Variants in MTUS1 observed in about 807,000 individuals in gnomAD.
MTUS1 encodes the protein microtubule associated scaffold protein 1, also known as microtubule-associated tumor suppressor 1.
A neutral mutation model predicts 120.8 loss-of-function variants in MTUS1; 109 were observed. The observed-to-expected ratio is 0.90, with a 90% confidence interval of 0.77 to 1.06. The LOEUF (loss-of-function observed/expected upper bound fraction) is 1.06. Ranked by LOEUF, MTUS1 falls within the 50% of genes least tolerant of loss-of-function variation. MTUS1 has a pLI of 0.00. For missense variants in MTUS1, 2,210 were observed against 1,486.3 expected (o/e 1.49, Z -8.01); for synonymous variants, 737 against 550.5 (o/e 1.34, Z -4.74).
chr8:17,679,839 A>G (rs767834775), intron 7 of MTUS1, among the ~76,000 whole-genome samples: 1 of 152,188 alleles, frequency 6.6e-6, no homozygotes, highest in Non-Finnish European at 1.5e-5. Context: ...TATACATTAC[A>G]CAATCAGTAA....
chr8:17,724,878 A>G (rs2046111504), intron 3 of MTUS1, among the ~76,000 whole-genome samples: 1 of 152,148 alleles, frequency 6.6e-6, no homozygotes, highest in Non-Finnish European at 1.5e-5. Context: ...TGAGTACTCT[A>G]GGTTTTCATC....
intron 6 of MTUS1, among the ~76,000 whole-genome samples, chr8:17,689,626 T>G (rs895421174): frequency 6.6e-6 from 1 of 152,160 alleles, no homozygotes; most frequent in African/African-American, 2.4e-5. Flanking sequence ...GAAGTACTTT[T>G]AAGAAGGCAT....
intron 6 of MTUS1, chr8:17,705,644 C>T (rs908430978): frequency 2.0e-5 from 3 of 152,240 alleles, no homozygotes; most frequent in Non-Finnish European, 2.9e-5. Context: ...TCTACTCTCA[C>T]CAGAAGAAAC....
chr8:17,790,649 C>G (rs556271149), intron 1 of MTUS1, among the ~76,000 whole-genome samples: 1 of 152,186 alleles, frequency 6.6e-6, no homozygotes, highest in African/African-American at 2.4e-5. Context: ...GAAAATAAAC[C>G]GTAATTCTCA....
At chr8:17,725,894 T>C (rs577944502) in intron 3 of MTUS1, among the ~76,000 whole-genome samples, 25 of 152,348 alleles carry the variant, frequency 1.6e-4, no homozygotes, top group African/African-American at 4.6e-4. Context: ...CCCCAATCTA[T>C]AGGATGGTGA....
At chr8:17,652,102 C>T (rs541030956) in intron 12 of MTUS1, among the ~76,000 whole-genome samples, 1 of 152,288 alleles carries the variant, frequency 6.6e-6, no homozygotes, top group East Asian at 1.9e-4. Context: ...AAAAGCTTTG[C>T]TTCTGCAGTC....
chr8:17,692,812 C>G (rs1337219728), intron 6 of MTUS1, among the ~76,000 whole-genome samples: 1 of 152,016 alleles, frequency 6.6e-6, no homozygotes, highest in Non-Finnish European at 1.5e-5. Context: ...CATGAGTTTA[C>G]CTATATAACA....
At chr8:17,697,332 G>A (rs1322646634) in intron 6 of MTUS1, 2 of 1,614,166 alleles carry the variant, frequency 1.2e-6, no homozygotes, top group South Asian at 2.2e-5. Context: ...TTGGCCGTCA[G>A]TCGTATGTGA....
chr8:17,753,692 C>T, intron 2 of MTUS1, 25 bp downstream of exon 2: 2 of 1,479,738 alleles, frequency 1.4e-6, no homozygotes, highest in Non-Finnish European at 1.8e-6. Context: ...CTGAAGCATG[C>T]AAAAAATATA....
chr8:17,654,933 C>T (rs973732919), intron 9 of MTUS1: 15 of 467,360 alleles, frequency 3.2e-5, no homozygotes, highest in Non-Finnish European at 5.4e-5. Flanking sequence ...CACATGTGCA[C>T]ACACAAAGAA....
At chr8:17,711,726 A>G (rs1195652335) in intron 6 of MTUS1, among the ~76,000 whole-genome samples, 1 of 152,242 alleles carries the variant, frequency 6.6e-6, no homozygotes, top group Non-Finnish European at 1.5e-5. Flanking sequence ...CTTCTGAATT[A>G]TCCTGGCTTT....
At position 17,754,679 on chromosome 8, in the gene MTUS1, T is replaced by C. The variant is rs1455868280; in HGVS notation, c.1129A>G (p.Thr377Ala). The change falls in exon 2 of 15, where the codon ACA becomes GCA. Residue 377 changes from threonine (T) to alanine (A), a missense_variant. Transcript: ENST00000693296. ...PEHKVTETED[T>A]QMVSKGKDLG... is the part of the protein sequence containing the mutation. ...TCCTTTCCTTTGGAGACCATTTGTG[T>C]GTCTTCAGTCTCAGTGACTTTATGC... is the stretch of plus-strand genomic sequence containing the variant. The C allele has an allele frequency of 5.6e-6, 9 of 1,614,116 alleles. No homozygotes were observed. Among genetic ancestry groups the C allele is most frequent in the African/African-American group, 1.3e-5 (1 of 74,940 alleles).
intron 4 of MTUS1, among the ~76,000 whole-genome samples, chr8:17,720,594 G>A (rs1268693026): frequency 6.6e-6 from 1 of 152,142 alleles, no homozygotes; most frequent in Non-Finnish European, 1.5e-5. Flanking sequence ...TGGCCAAAGT[G>A]GAAGAGGAAG....
chr8:17,658,169 C>T (rs547646119), intron 8 of MTUS1, among the ~76,000 whole-genome samples: 2 of 152,056 alleles, frequency 1.3e-5, no homozygotes, highest in Admixed American at 1.3e-4. Flanking sequence ...TCCTCAGTAG[C>T]TGGGATTACG....
intron 2 of MTUS1, among the ~76,000 whole-genome samples, chr8:17,752,354 TTAAGAG>T (rs2048264292): frequency 6.6e-6 from 1 of 152,166 alleles, no homozygotes; most frequent in Non-Finnish European, 1.5e-5. Context: ...TTGATTAGAA[TTAAGAG>T]TATGTTGTAA....
At chr8:17,787,262 A>C (rs1311171682) in intron 1 of MTUS1, among the ~76,000 whole-genome samples, 2 of 152,220 alleles carry the variant, frequency 1.3e-5, no homozygotes, top group Admixed American at 6.5e-5. Flanking sequence ...ACAGCTCTTC[A>C]AAGTCCACAG....
rs748264107 is a variant in MTUS1, at chr8:17,644,900, TAGA to T, written c.*1023_*1025del. The T allele has an allele frequency of 6.6e-6, 1 of 152,080 alleles. No individual in the cohort carries two copies. The highest frequency in any genetic ancestry group is 1.9e-4 in the East Asian group (1 of 5,154). The allele number at this position is 152,080 out of a possible 1,614,324, so 9.4% of individuals were successfully genotyped here. ...GTCCCAGAGAAAAGTAGGTAGGAGG[TAGA>T]AGGTTTGCTTTTGTGGCTCTGGATG... On this transcript the variant is annotated 3_prime_UTR_variant, in exon 15 of 15. Transcript: ENST00000693296.
At position 17,701,849 on chromosome 8, in the gene MTUS1, A is replaced by G. The variant is rs149541695; in HGVS notation, c.2623+11365T>C. Among the ~76,000 whole-genome samples, 223 of 152,248 alleles carry G rather than the reference A, an allele frequency of 1.5e-3. 1 individual carries two copies. The highest frequency in any genetic ancestry group is 5.2e-3 in the African/African-American group (214 of 41,538). On this transcript the variant is annotated intron_variant, in intron 6 of 14. Transcript: ENST00000693296. ...CAAGCGTGAGCCACCGCACCCGGCC[A>G]GAATTTTCTTTTCAATTTAAATTAC...
chr8:17,680,156 A>G (rs1211216979), intron 7 of MTUS1, among the ~76,000 whole-genome samples: 1 of 152,146 alleles, frequency 6.6e-6, no homozygotes, highest in African/African-American at 2.4e-5. Context: ...CTAGAAGGCC[A>G]GGAAATCATT....
Sources: gnomAD v4.1 joint callset for allele counts (sites outside exome capture counted in the v4.1 genomes callset) on GRCh38, gnomAD v4.1.1 for gene constraint, MANE v1.5 for transcripts, NCBI Gene and HGNC (gene_info 2026-07-23, HGNC 2026-07-21) for gene names.